TOM1: variants seen among roughly 807,000 people sequenced by gnomAD.
The protein encoded by TOM1 is target of myb1 membrane trafficking protein, also known as target of Myb protein 1.
Under a neutral mutation model 61.3 loss-of-function variants are expected in TOM1, and 38 were observed. That is an observed-to-expected ratio of 0.62 (90% confidence interval 0.48 to 0.81). The LOEUF (loss-of-function observed/expected upper bound fraction) is 0.81. TOM1 is among the 40% of genes least tolerant of loss of function. The pLI is 0.00. For missense variants in TOM1, 591 were observed against 659.6 expected, an observed-to-expected ratio of 0.90 and a Z score of 1.14; for synonymous variants, 270 against 268.8, an observed-to-expected ratio of 1.00 and a Z score of -0.04.
chr22:35,303,012 G>A (rs976712134), intron 1 of TOM1, among the ~76,000 whole-genome samples: 2 of 152,094 alleles, frequency 1.3e-5, no homozygotes, highest in Non-Finnish European at 2.9e-5. Flanking sequence ...TGCCCTTGTT[G>A]ATAGTAGAGC....
Position 35,323,350 on chromosome 22 carries a change from G to A in TOM1, c.367-146G>A, listed in dbSNP as rs545452132. Reference sequence around the variant, plus strand: ...GTGGGGAGGGAGGCTTGCCAACTGCGTGCTTTGCTGTGGAGTGGGCAGGGC... The same window carrying A: ...GTGGGGAGGGAGGCTTGCCAACTGCATGCTTTGCTGTGGAGTGGGCAGGGC... On this transcript the variant is annotated intron_variant, in intron 4 of 14. Transcript: ENST00000449058. The surrounding 1 kb of genome is among the most constrained non-coding windows in gnomAD (Gnocchi z 4.2). The A allele has an allele frequency of 5.6e-5, 75 of 1,349,196 alleles. No individual in the cohort carries two copies. Among genetic ancestry groups the A allele is most frequent in the South Asian group, 7.9e-5 (6 of 76,214 alleles). 83.6% of individuals were successfully genotyped at this position (1,349,196 alleles called of 1,614,324 possible).
chr22:35,330,273 T>C, intron 7 of TOM1, 74 bp from the exon 8 acceptor site: 1 of 1,476,068 alleles, frequency 6.8e-7, no homozygotes. Flanking sequence ...CAGAGCTCCG[T>C]CTCACAAAAA....
chr22:35,323,699 C>G lies in TOM1; in HGVS notation c.501+69C>G. On this transcript the variant is annotated intron_variant, in intron 5 of 14. Transcript: ENST00000449058. This position sits in a 1 kb window ranked among gnomAD's most constrained non-coding sequence, Gnocchi z 4.2. ...ACTCATCCCCAGAGACATCACCAGG[C>G]TGGCCCCTGACTTCCTGGGCTCTTG... 6.2e-7 allele frequency: 1 copy of G among 1,607,616 alleles called. No homozygotes were observed. Among genetic ancestry groups the G allele is most frequent in the East Asian group, 2.2e-5 (1 of 44,728 alleles).
chr22:35,305,335 G>T (rs947784774), intron 1 of TOM1, among the ~76,000 whole-genome samples: 5 of 152,206 alleles, frequency 3.3e-5, no homozygotes, highest in African/African-American at 4.8e-5. Context: ...CATATATAGG[G>T]ACAGGGAAGG....
At position 35,332,891 on chromosome 22, in the gene TOM1, T is replaced by G. The variant is rs573431008; in HGVS notation, c.900-90T>G. 3.8e-4 allele frequency: 505 copies of G among 1,327,236 alleles called. 7 individuals carry two copies. The South Asian group carries it at 5.2e-3, about 14-fold the overall frequency. The allele number at this position is 1,327,236 out of a possible 1,614,324, so 82.2% of individuals were successfully genotyped here. ...TGATCATAACCCACCGTGTTGATGT[T>G]GAGACCCACAGTTTGAAAAGCTCTG... is the stretch of plus-strand genomic sequence containing the variant. On this transcript the variant is annotated intron_variant, in intron 8 of 14. Coordinates refer to ENST00000449058, the MANE Select transcript of TOM1 (RefSeq NM_005488.3).
intron 1 of TOM1, among the ~76,000 whole-genome samples, chr22:35,306,798 C>G (rs1485813503): frequency 2.6e-5 from 4 of 152,200 alleles, no homozygotes; most frequent in African/African-American, 9.7e-5. Context: ...GATTCTGACT[C>G]CAGTGCAGCC....
chr22:35,329,430 T>G (rs1445854686), intron 7 of TOM1, among the ~76,000 whole-genome samples: 1 of 152,252 alleles, frequency 6.6e-6, no homozygotes, highest in Non-Finnish European at 1.5e-5. Context: ...TTTTAATGTT[T>G]AATGGTAGTT....
At position 35,337,193 on chromosome 22, in the gene TOM1, C is replaced by T. The variant is rs570606438; in HGVS notation, c.1149-1520C>T. On this transcript the variant is annotated intron_variant, in intron 11 of 14. Transcript: ENST00000449058. ...CCTCGTGATCCGCGCGCCTTGGCCT[C>T]CCAAAGTGCTGGGATTTCAGCCACT... Among the ~76,000 whole-genome samples, 6 of 152,318 alleles carry T rather than the reference C, an allele frequency of 3.9e-5. No individual in the cohort carries two copies. The South Asian group carries it at 6.2e-4, about 16-fold the overall frequency.
intron 1 of TOM1, among the ~76,000 whole-genome samples, chr22:35,316,929 C>G (rs904346169): frequency 6.6e-6 from 1 of 152,046 alleles, no homozygotes; most frequent in South Asian, 2.1e-4. Context: ...TGCTGGGTGG[C>G]TCGGCATCGG....
intron 11 of TOM1, 26 bp downstream of exon 11, chr22:35,334,474 C>T (rs750118972): frequency 3.1e-6 from 5 of 1,613,028 alleles, no homozygotes; most frequent in Non-Finnish European, 3.4e-6. Flanking sequence ...CTGCCCTGGT[C>T]CCCTGCAGTT....
rs764118788 is a variant in TOM1 at position 35,332,962 on chromosome 22, T to C, written c.900-19T>C. 5.0e-5 allele frequency: 80 copies of C among 1,613,958 alleles called. No individual in the cohort carries two copies. Among genetic ancestry groups the C allele is most frequent in the Non-Finnish European group, 6.6e-5 (78 of 1,179,958 alleles). The stretch of plus-strand genomic sequence containing the variant: ...TGTCTCAGTCTGTCTCCATAACTCG[T>C]GTCTTTTCTGTCTTGTAGGTTTGAA... On this transcript the variant is annotated intron_variant, in intron 8 of 14. Transcript: ENST00000449058.
At position 35,347,139 on chromosome 22, in the gene TOM1, G is replaced by A; in HGVS notation, c.1409G>A (p.Gly470Asp). 3.1e-6 allele frequency: 5 copies of A among 1,613,580 alleles called. No homozygotes were observed. Among genetic ancestry groups the A allele is most frequent in the Non-Finnish European group, 4.2e-6 (5 of 1,179,778 alleles). ...AGCCCCTCAGCTGAGGGGCCCCCGG[G>A]TCCCCCATCTGGCCCAGCGCCCCGG... Reference protein sequence around the residue: ...LSSPSAEGPPGPPSGPAPRKK... With the variant: ...LSSPSAEGPPDPPSGPAPRKK... Residue 470 changes from glycine (G) to aspartate (D), a missense_variant, in exon 15 of 15, where the codon GGT (glycine) becomes GAT (aspartate). Physicochemically the swap from Gly to Asp is moderately conservative, Grantham distance 94 (BLOSUM62 -1). Transcript: ENST00000449058.
intron 1 of TOM1, among the ~76,000 whole-genome samples, chr22:35,302,487 C>G (rs940563005): frequency 2.0e-5 from 3 of 152,018 alleles, no homozygotes; most frequent in African/African-American, 7.3e-5. Context: ...CAGGCACGCT[C>G]CGCCACACCC....
intron 1 of TOM1, among the ~76,000 whole-genome samples, chr22:35,313,113 A>T (rs995474599): frequency 1.3e-5 from 2 of 152,080 alleles, no homozygotes; most frequent in African/African-American, 4.8e-5. Flanking sequence ...TTGGGAGGCC[A>T]AGGCGGGTGG....
intron 1 of TOM1, among the ~76,000 whole-genome samples, chr22:35,309,683 T>A (rs531483720): frequency 2.0e-5 from 3 of 151,416 alleles, no homozygotes; most frequent in African/African-American, 7.3e-5. Context: ...AGAGACCTGC[T>A]GGGTTTCCCT....
At chr22:35,309,133 G>A (rs537653510) in intron 1 of TOM1, among the ~76,000 whole-genome samples, 1 of 152,192 alleles carries the variant, frequency 6.6e-6, no homozygotes. Context: ...GTAGAGGATA[G>A]CATTTATTTT....
chr22:35,343,632 T>C (rs1930195286), intron 12 of TOM1, among the ~76,000 whole-genome samples: 1 of 97,014 alleles, frequency 1.0e-5, no homozygotes, highest in Non-Finnish European at 2.0e-5. Context: ...CACCCACACC[T>C]ACACACACCA....
intron 1 of TOM1, among the ~76,000 whole-genome samples, chr22:35,303,987 T>C (rs1926087240): frequency 6.6e-6 from 1 of 152,152 alleles, no homozygotes; most frequent in Non-Finnish European, 1.5e-5. Flanking sequence ...AAAAGGAAAG[T>C]AACATTTTGT....
intron 13 of TOM1, 109 bp from the exon 14 acceptor site, chr22:35,346,821 G>A (rs962001654): frequency 1.8e-5 from 19 of 1,052,286 alleles, no homozygotes; most frequent in Non-Finnish European, 2.4e-5. Flanking sequence ...AGCCTGAGCT[G>A]GGACCCAGTG....
Sources: allele counts gnomAD v4.1 joint callset (sites outside exome capture counted in the v4.1 genomes callset), GRCh38; gene constraint gnomAD v4.1.1; non-coding constraint Gnocchi (gnomAD v3.1); transcripts MANE v1.5; gene names NCBI Gene and HGNC (gene_info 2026-07-23, HGNC 2026-07-21).